The following SLIT1 variants were observed in gnomAD, a reference collection of about 807,000 sequenced individuals.
The protein encoded by SLIT1 is slit homolog 1 protein.
In SLIT1, 66 loss-of-function variants were observed where a neutral mutation model predicts 186.1. The ratio of observed to expected loss-of-function variants is 0.35; its 90% CI spans 0.29 to 0.44. The LOEUF is 0.44. SLIT1 is among the 20% of genes least tolerant of loss of function. SLIT1 has a pLI of 1.00. For missense variants in SLIT1, 1,638 were observed against 2,037.4 expected (o/e 0.80, Z 3.77); for synonymous variants, 761 against 833.8 (o/e 0.91, Z 1.50).
chr10:97,017,825 G>A (rs941583401), intron 28 of SLIT1, among the ~76,000 whole-genome samples: 11 of 151,974 alleles, frequency 7.2e-5, no homozygotes, highest in Admixed American at 6.6e-4. Context: ...TGGAGGCTTT[G>A]GGGTGAATGG....
chr10:97,082,728 C>T (rs182868932), intron 4 of SLIT1, among the ~76,000 whole-genome samples: 182 of 152,266 alleles, frequency 1.2e-3, no homozygotes, highest in African/African-American at 4.3e-3. Context: ...GCCACCACGC[C>T]CAGCCTCATT....
intron 1 of SLIT1, among the ~76,000 whole-genome samples, chr10:97,165,461 G>C (rs796356964): frequency 2.0e-5 from 3 of 152,102 alleles, no homozygotes; most frequent in African/African-American, 4.8e-5. Flanking sequence ...CTGAGGAAGC[G>C]GGACTCAAGC....
intron 4 of SLIT1, among the ~76,000 whole-genome samples, chr10:97,079,499 TC>T (rs1849082392): frequency 6.6e-6 from 1 of 152,182 alleles, no homozygotes; most frequent in Admixed American, 6.5e-5. Context: ...TTGTAGGCAT[TC>T]AACAAATGCC....
intron 28 of SLIT1, among the ~76,000 whole-genome samples, chr10:97,016,740 A>C (rs1848457933): frequency 6.6e-6 from 1 of 152,258 alleles, no homozygotes; most frequent in Non-Finnish European, 1.5e-5. Flanking sequence ...CTTTGCAATG[A>C]AAAACTTAAA....
Position 97,057,236 on chromosome 10 carries a change from A to C in SLIT1, c.1131T>G (p.Phe377Leu), listed in dbSNP as rs1848849025. 3 of 1,614,028 alleles carry C rather than the reference A, an allele frequency of 1.9e-6. No homozygotes were observed. Among genetic ancestry groups the C allele is most frequent in the Non-Finnish European group, 2.5e-6 (3 of 1,179,952 alleles). Residue 377 changes from phenylalanine to leucine, a missense_variant, in exon 12 of 37, where the codon TTT (phenylalanine) becomes TTG (leucine). Phe to Leu is a conservative substitution (Grantham distance 22). Coordinates refer to ENST00000266058, the MANE Select transcript of SLIT1 (RefSeq NM_003061.3). ...GGAGCTGTAGGGTGTATAGGCCTCC[A>C]AACACACCACGGGGGAGGTCTGTGA... ...NKITDLPRGVFGGLYTLQLLL... is the reference protein window; with the variant it reads ...NKITDLPRGVLGGLYTLQLLL...
chr10:97,146,582 A>G (rs1189613954), intron 4 of SLIT1, among the ~76,000 whole-genome samples: 1 of 127,324 alleles, frequency 7.9e-6, no homozygotes, highest in African/African-American at 2.7e-5. Flanking sequence ...AACACCTCCC[A>G]GTAGATTTTA....
intron 23 of SLIT1, among the ~76,000 whole-genome samples, chr10:97,033,196 G>A (rs1371975447): frequency 1.3e-5 from 2 of 152,012 alleles, no homozygotes; most frequent in African/African-American, 4.8e-5. Context: ...CCACAGATGT[G>A]CACCACCACA....
intron 3 of SLIT1, among the ~76,000 whole-genome samples, chr10:97,158,594 G>A (rs558321412): frequency 4.6e-5 from 7 of 150,996 alleles, no homozygotes; most frequent in African/African-American, 7.3e-5. Context: ...CTCAGGAGAC[G>A]GAGGTTGCAG....
At position 97,004,549 on chromosome 10, in the gene SLIT1, T is replaced by C; in HGVS notation, c.3710+144A>G. 1 of 994,182 alleles carries C rather than the reference T, an allele frequency of 1.0e-6. No individual in the cohort carries two copies. Among genetic ancestry groups the C allele is most frequent in the Non-Finnish European group, 1.5e-6 (1 of 657,006 alleles). 61.6% of individuals were successfully genotyped at this position (994,182 alleles called of 1,614,324 possible). A position where few individuals can be genotyped will look rare whatever the true frequency, so the allele number is the denominator to read the frequency against. On this transcript the variant is annotated intron_variant, in intron 33 of 36. Transcript: ENST00000266058. The surrounding 1 kb of genome is among the most constrained non-coding windows in gnomAD (Gnocchi z 5.1). ...AGAGACCTCAGCCCCAAGCTGGGGC[T>C]AACCCAGATGGTTCAAGTGTCCTTC...
chr10:97,111,489 A>G (rs183435838), intron 4 of SLIT1, among the ~76,000 whole-genome samples: 2 of 152,298 alleles, frequency 1.3e-5, no homozygotes, highest in African/African-American at 4.8e-5. Context: ...CAGGGTCATC[A>G]AGCTGCTCCC....
At position 97,184,553 on chromosome 10, in the gene SLIT1, A is replaced by G. The variant is rs1036431427; in HGVS notation, c.197+925T>C. ...GAGAGTCACAGAAAACAAAGTATAA[A>G]GGTCTGTAAATACACACACTCAAAC... On this transcript the variant is annotated intron_variant, in intron 1 of 36. Transcript: ENST00000266058. This position sits in a 1 kb window ranked among gnomAD's most constrained non-coding sequence, Gnocchi z 4.4. Among the ~76,000 whole-genome samples the G allele has an allele frequency of 2.0e-5, 3 of 151,928 alleles. No homozygotes were observed. Among genetic ancestry groups the G allele is most frequent in the Non-Finnish European group, 4.4e-5 (3 of 67,972 alleles).
intron 1 of SLIT1, among the ~76,000 whole-genome samples, chr10:97,181,709 A>T (rs1850340780): frequency 6.6e-6 from 1 of 152,198 alleles, no homozygotes; most frequent in Non-Finnish European, 1.5e-5. Context: ...AGACCAGACA[A>T]GCAGCAGAAT....
chr10:97,064,928 G>A (rs765498815), intron 5 of SLIT1, 52 bp from the exon 6 acceptor site: 42 of 1,460,814 alleles, frequency 2.9e-5, no homozygotes, highest in Non-Finnish European at 3.8e-5. Context: ...CTAGAGTAAG[G>A]GTGTCCAAAC....
intron 1 of SLIT1, among the ~76,000 whole-genome samples, chr10:97,165,544 C>G (rs1850093299): frequency 6.6e-6 from 1 of 152,172 alleles, no homozygotes; most frequent in African/African-American, 2.4e-5. Flanking sequence ...CACACCACAT[C>G]AGGCCTAGAG....
At chr10:97,140,596 G>C (rs187969114) in intron 4 of SLIT1, among the ~76,000 whole-genome samples, 3 of 152,198 alleles carry the variant, frequency 2.0e-5, no homozygotes, top group African/African-American at 7.2e-5. Flanking sequence ...TGGCCTCCGC[G>C]ATCGGCCGAC....
intron 4 of SLIT1, among the ~76,000 whole-genome samples, chr10:97,143,679 G>A (rs1849787851): frequency 6.6e-6 from 1 of 152,162 alleles, no homozygotes; most frequent in Non-Finnish European, 1.5e-5. Context: ...AAAAAGGAGG[G>A]ATGGGGTTTG....
chr10:97,135,903 G>T lies in SLIT1; in HGVS notation c.413+21915C>A, dbSNP rs117374746. Among the ~76,000 whole-genome samples, 780 of 152,286 alleles carry T rather than the reference G, an allele frequency of 5.1e-3. 1 individual carries two copies. Among genetic ancestry groups the T allele is most frequent in the Middle Eastern group, 0.014 (4 of 294 alleles). ...AAATGCCCAGGAGCTGACACACTGT[G>T]CCCTGGGGAGGGATAAGGAAGGGGT... On this transcript the variant is annotated intron_variant, in intron 4 of 36. Transcript: ENST00000266058.
chr10:97,000,783 C>T lies in SLIT1; in HGVS notation c.*329G>A, dbSNP rs1564650254. ...ATTTTTCTTCTCCAGATTCAGATAG[C>T]AGGTAAGGAGGGGTGTCATCGTTCT... is the stretch of plus-strand genomic sequence containing the variant. On this transcript the variant is annotated 3_prime_UTR_variant, in exon 37 of 37. Coordinates refer to ENST00000266058, the MANE Select transcript of SLIT1 (RefSeq NM_003061.3). 1 of 264,274 alleles carries T rather than the reference C, an allele frequency of 3.8e-6. No individual in the cohort carries two copies. Among genetic ancestry groups the T allele is most frequent in the East Asian group, 8.0e-5 (1 of 12,432 alleles). 16.4% of individuals were successfully genotyped at this position (264,274 alleles called of 1,614,324 possible).
At chr10:97,160,625 C>CA (rs1306350674) in intron 3 of SLIT1, among the ~76,000 whole-genome samples, 1 of 150,564 alleles carries the variant, frequency 6.6e-6, no homozygotes, top group Admixed American at 6.6e-5. Flanking sequence ...AGACTTTGGC[C>CA]AAAAAAAAGA....
Sources: gnomAD v4.1 joint callset for allele counts (sites outside exome capture counted in the v4.1 genomes callset) on GRCh38, gnomAD v4.1.1 for gene constraint, Gnocchi (gnomAD v3.1) non-coding constraint, MANE v1.5 for transcripts, NCBI Gene and HGNC (gene_info 2026-07-23, HGNC 2026-07-21) for gene names.